Variants in SCFD2 observed in about 807,000 individuals in gnomAD.
SCFD2 encodes the protein sec1 family domain-containing protein 2.
SCFD2 carries 54 observed loss-of-function variants against 58.9 expected under a neutral mutation model. The observed-to-expected ratio is 0.92, with a 90% CI of 0.74 to 1.15. The LOEUF (loss-of-function observed/expected upper bound fraction) is 1.15. Ranked by LOEUF, SCFD2 falls within the 50% of genes most tolerant of loss-of-function variation. The pLI is 0.00. For synonymous variants in SCFD2, 321 were observed against 335.9 expected (o/e 0.96, Z 0.49); for missense variants, 805 against 836.6 (o/e 0.96, Z 0.47).
rs534102945 is a variant in SCFD2 at position 53,137,792 on chromosome 4, T to A, written c.1561+7541A>T. Among the ~76,000 whole-genome samples the A allele has an allele frequency of 3.4e-4, 52 of 152,334 alleles. 1 individual carries two copies. The South Asian group carries it at 0.011, about 31-fold the overall frequency. ...TTTAGCAAGACAAATTTTTCCAAAG[T>A]AGTTTTTTGTGTCAAAAAGTAATAT... On this transcript the variant is annotated intron_variant, in intron 5 of 8. Transcript: ENST00000401642.
chr4:53,024,352 A>G (rs534447870), intron 5 of SCFD2, among the ~76,000 whole-genome samples: 49 of 152,328 alleles, frequency 3.2e-4, no homozygotes, highest in African/African-American at 1.2e-3. Flanking sequence ...GTCCCAGGTA[A>G]TAGGTTGAGA....
chr4:53,246,078 A>G (rs1730060713), intron 4 of SCFD2, among the ~76,000 whole-genome samples: 1 of 152,170 alleles, frequency 6.6e-6, no homozygotes, highest in African/African-American at 2.4e-5. Context: ...CAAATCAGAA[A>G]TGTAATCCCA....
intron 4 of SCFD2, among the ~76,000 whole-genome samples, chr4:53,207,854 C>A (rs1728483731): frequency 6.6e-6 from 1 of 151,184 alleles, no homozygotes; most frequent in African/African-American, 2.4e-5. Flanking sequence ...TTGAGGCCTC[C>A]CCAGCCATGC....
chr4:53,213,118 T>G (rs1439513372), intron 4 of SCFD2, among the ~76,000 whole-genome samples: 1 of 152,074 alleles, frequency 6.6e-6, no homozygotes, highest in Non-Finnish European at 1.5e-5. Flanking sequence ...CACGATTAAA[T>G]TATTTAGTAG....
intron 3 of SCFD2, among the ~76,000 whole-genome samples, chr4:53,299,296 A>G (rs953189574): frequency 1.6e-4 from 25 of 152,250 alleles, no homozygotes; most frequent in Non-Finnish European, 3.5e-4. Flanking sequence ...TACGTGATGA[A>G]TGCAAAAGCC....
chr4:53,268,549 G>C (rs1731061900), intron 4 of SCFD2, among the ~76,000 whole-genome samples: 1 of 152,166 alleles, frequency 6.6e-6, no homozygotes, highest in African/African-American at 2.4e-5. Flanking sequence ...GAAGGCAGTA[G>C]AAATGGTAGC....
intron 4 of SCFD2, among the ~76,000 whole-genome samples, chr4:53,185,749 C>T: frequency 6.6e-6 from 1 of 152,166 alleles, no homozygotes; most frequent in Non-Finnish European, 1.5e-5. Context: ...GGCTCTCAGA[C>T]TCTCTTAAAC....
At chr4:53,142,838 G>A (rs1435842995) in intron 5 of SCFD2, among the ~76,000 whole-genome samples, 2 of 152,090 alleles carry the variant, frequency 1.3e-5, no homozygotes, top group East Asian at 1.9e-4. Context: ...TCTTCACAAA[G>A]GCTGAAAAAA....
intron 4 of SCFD2, among the ~76,000 whole-genome samples, chr4:53,247,867 CAAAAAAAAAA>C (rs35585900): frequency 1.5e-4 from 8 of 54,512 alleles, no homozygotes; most frequent in South Asian, 6.8e-4. Flanking sequence ...GACTCCGTCT[CAAAAAAAAAA>C]AAAAAAAAAA....
intron 5 of SCFD2, among the ~76,000 whole-genome samples, chr4:53,097,342 C>T (rs924601209): frequency 6.6e-6 from 1 of 152,114 alleles, no homozygotes; most frequent in Non-Finnish European, 1.5e-5. Context: ...TCTTGCTATC[C>T]ATGAGCATGG....
chr4:53,301,123 G>C (rs575657303), intron 3 of SCFD2, among the ~76,000 whole-genome samples: 10 of 152,218 alleles, frequency 6.6e-5, no homozygotes, highest in African/African-American at 2.4e-4. Context: ...AGGAAATAGA[G>C]ACACAAAAAA....
chr4:52,961,728 G>C (rs1479489614), intron 5 of SCFD2, among the ~76,000 whole-genome samples: 1 of 152,166 alleles, frequency 6.6e-6, no homozygotes, highest in African/African-American at 2.4e-5. Flanking sequence ...TGATGACAGA[G>C]GTAACATTTT....
chr4:53,001,255 C>T (rs1421808802), intron 5 of SCFD2, among the ~76,000 whole-genome samples: 1 of 152,118 alleles, frequency 6.6e-6, no homozygotes, highest in Admixed American at 6.6e-5. Flanking sequence ...TGAGAATTTA[C>T]GTTTGTAAAT....
At chr4:53,000,612 C>A (rs774212402) in intron 5 of SCFD2, among the ~76,000 whole-genome samples, 2 of 152,192 alleles carry the variant, frequency 1.3e-5, no homozygotes, top group South Asian at 4.1e-4. Flanking sequence ...CAGGCCATAG[C>A]GCCAAGCATC....
At chr4:52,899,422 T>C (rs1313396225) in intron 7 of SCFD2, among the ~76,000 whole-genome samples, 2 of 152,204 alleles carry the variant, frequency 1.3e-5, no homozygotes, top group Non-Finnish European at 2.9e-5. Flanking sequence ...TTAGTTTGGC[T>C]GGATATGAAA....
chr4:52,973,775 T>TA (rs1721175146), intron 5 of SCFD2, among the ~76,000 whole-genome samples: 2 of 152,168 alleles, frequency 1.3e-5, no homozygotes, highest in Non-Finnish European at 2.9e-5. Context: ...CCCAATAAAA[T>TA]ACTGGCAAAC....
chr4:53,214,607 G>A (rs1156548712), intron 4 of SCFD2, among the ~76,000 whole-genome samples: 2 of 152,138 alleles, frequency 1.3e-5, no homozygotes, highest in Admixed American at 6.5e-5. Flanking sequence ...TAGGTTGCCT[G>A]TTGACTATGA....
At chr4:53,330,780 A>C (rs1384301286) in intron 2 of SCFD2, among the ~76,000 whole-genome samples, 6 of 152,172 alleles carry the variant, frequency 3.9e-5, no homozygotes. Context: ...TAAATGCTCC[A>C]ATTAAAAGAC....
chr4:53,005,938 T>A (rs1223578451), intron 5 of SCFD2, among the ~76,000 whole-genome samples: 1 of 152,144 alleles, frequency 6.6e-6, no homozygotes, highest in African/African-American at 2.4e-5. Flanking sequence ...TGTTATGCAC[T>A]CCACTCCACA....
Sources: allele counts gnomAD v4.1 joint callset (sites outside exome capture counted in the v4.1 genomes callset), GRCh38; gene constraint gnomAD v4.1.1; transcripts MANE v1.5; gene names NCBI Gene and HGNC (gene_info 2026-07-23, HGNC 2026-07-21).